Variants in PCDH19 observed in about 807,000 individuals in gnomAD.
The protein encoded by PCDH19 is protocadherin 19, also known as protocadherin-19.
PCDH19 carries 6 observed loss-of-function variants against 46.2 expected under a neutral mutation model. The observed-to-expected ratio is 0.13, with a 90% CI of 0.07 to 0.26. The LOEUF (loss-of-function observed/expected upper bound fraction) is 0.26. Among genes scored for constraint, PCDH19 ranks in the 10% least tolerant of loss-of-function variants. PCDH19 has a pLI of 1.00. For missense variants in PCDH19, 740 were observed against 972.3 expected, an observed-to-expected ratio of 0.76 and a Z score of 3.18; for synonymous variants, 481 against 415.7, an observed-to-expected ratio of 1.16 and a Z score of -1.91.
chrX:100,313,291 G>C (rs1013121694), intron 5 of PCDH19, among the ~76,000 whole-genome samples: 13 of 111,238 alleles, frequency 1.2e-4, no homozygotes, highest in African/African-American at 4.3e-4. Flanking sequence ...GGAATGCCAT[G>C]CTGTGGTGGG....
intron 5 of PCDH19, among the ~76,000 whole-genome samples, chrX:100,319,778 A>G (rs1425928919): frequency 8.9e-6 from 1 of 112,182 alleles, no homozygotes; most frequent in Non-Finnish European, 1.9e-5. Context: ...CAAAGGAAAG[A>G]GCTAATCATT....
Position 100,296,712 on chromosome X carries a change from A to G in PCDH19, c.3012T>C (p.Ala1004=), listed in dbSNP as rs181719144. The change falls in exon 6 of 6, where the codon GCT becomes GCC. Residue 1004 remains alanine, a synonymous_variant. Coordinates refer to ENST00000373034, the MANE Select transcript of PCDH19 (RefSeq NM_001184880.2). The stretch of plus-strand genomic sequence containing the variant: ...GTTTGGTGGGGCCGCAGTCGTCATA[A>G]GCCTCGACATCAGCAGCAGTAGCTT... The part of the protein sequence containing the change: ...SIEATAADVE[A]YDDCGPTKRT... 21 of 1,209,408 alleles carry G rather than the reference A, an allele frequency of 1.7e-5. No homozygotes were observed. The African/African-American group carries it at 3.0e-4, about 17-fold the overall frequency.
intron 5 of PCDH19, among the ~76,000 whole-genome samples, chrX:100,322,863 A>ATG (rs1358059816): frequency 2.5e-5 from 1 of 40,114 alleles, no homozygotes; most frequent in Non-Finnish European, 5.5e-5. Context: ...ATATATATAT[A>ATG]TATTTTTGCA....
chrX:100,389,518 T>A (rs1280297518), intron 3 of PCDH19, among the ~76,000 whole-genome samples: 1 of 110,689 alleles, frequency 9.0e-6, no homozygotes, highest in Non-Finnish European at 1.9e-5. Context: ...TGAAATTTTC[T>A]AGGAGAGTAG....
intron 5 of PCDH19, among the ~76,000 whole-genome samples, chrX:100,309,580 C>T (rs1446460388): frequency 9.0e-6 from 1 of 111,552 alleles, no homozygotes; most frequent in African/African-American, 3.3e-5. Flanking sequence ...CATTATCGAA[C>T]TGAGATTATC....
intron 3 of PCDH19, among the ~76,000 whole-genome samples, chrX:100,368,896 TTCC>T (rs1927143162): frequency 9.0e-6 from 1 of 111,468 alleles, no homozygotes; most frequent in Non-Finnish European, 1.9e-5. Context: ...CCCCCAAAGT[TTCC>T]TCTGCTGTGC....
chrX:100,407,339 T>G lies in PCDH19; in HGVS notation c.1259A>C (p.Asn420Thr), dbSNP rs754532638. The change falls in exon 1 of 6, where the codon AAC becomes ACC. Residue 420 changes from asparagine to threonine, a missense_variant. Around this residue, in one of 5 missense-constraint regions of PCDH19, gnomAD observed 186 missense variants for 319.9 expected, o/e 0.58. Coordinates refer to ENST00000373034, the MANE Select transcript of PCDH19 (RefSeq NM_001184880.2). ...GCCGTCGCGTGCCTGAATTGTGAGG[T>G]TGTATTGGTCGTGCTGCTCGCGGTC... is the stretch of plus-strand genomic sequence containing the variant. ...RLDREQHDQY[N>T]LTIQARDGGV... 8.3e-7 allele frequency: 1 copy of G among 1,211,993 alleles called. No individual in the cohort carries two copies.
At chrX:100,325,736 T>C (rs1388876164) in intron 5 of PCDH19, among the ~76,000 whole-genome samples, 1 of 112,634 alleles carries the variant, frequency 8.9e-6, no homozygotes, top group African/African-American at 3.2e-5. Context: ...GCAAAAAGTA[T>C]GCACTTCCAG....
At chrX:100,337,932 T>C (rs940630146) in intron 5 of PCDH19, among the ~76,000 whole-genome samples, 7 of 112,106 alleles carry the variant, frequency 6.2e-5, no homozygotes, top group Non-Finnish European at 1.1e-4. Flanking sequence ...AAAATTATGA[T>C]GTGTCAATTA....
Position 100,403,681 on chromosome X carries a change from A to G in PCDH19, c.2148-17T>C. 1 of 1,184,874 alleles carries G rather than the reference A, an allele frequency of 8.4e-7. No homozygotes were observed. On this transcript the variant is annotated splice_polypyrimidine_tract_variant and intron_variant, in intron 1 of 5. Coordinates refer to ENST00000373034, the MANE Select transcript of PCDH19 (RefSeq NM_001184880.2). ...AAACAATTACTGCAAAGGAATTTAA[A>G]GGTTAGTGCATTCAGCATCCTTCTC...
intron 3 of PCDH19, among the ~76,000 whole-genome samples, chrX:100,394,882 A>AG (rs1927974007): frequency 2.4e-5 from 2 of 82,741 alleles, no homozygotes; most frequent in African/African-American, 9.4e-5. Context: ...TGAGGAATCT[A>AG]ATTTTTTTTT....
chrX:100,310,379 G>T (rs1330686447), intron 5 of PCDH19, among the ~76,000 whole-genome samples: 4 of 110,733 alleles, frequency 3.6e-5, no homozygotes, highest in Admixed American at 9.7e-5. Context: ...CAAGCAAAAG[G>T]CTGCCTGGAA....
chrX:100,379,939 G>A lies in PCDH19; in HGVS notation c.2616+22585C>T, dbSNP rs755561571. Among the ~76,000 whole-genome samples, 6 of 111,961 alleles carry A rather than the reference G, an allele frequency of 5.4e-5. No individual in the cohort carries two copies. In the East Asian group the frequency reaches 1.7e-3, roughly 32 times the overall value. On this transcript the variant is annotated intron_variant, in intron 3 of 5. Coordinates refer to ENST00000373034, the MANE Select transcript of PCDH19 (RefSeq NM_001184880.2). ...GGCATGGACTCAAAAGGGCCATCGA[G>A]CAGTAACTGGAGGAATGGATTTGAG...
In PCDH19 at chrX:100,407,180, A is replaced by T. The variant is rs764454230; in HGVS notation, c.1418T>A (p.Leu473His). Residue 473 changes from leucine to histidine, a missense_variant, in exon 1 of 6, where the codon CTC (leucine) becomes CAC (histidine). Transcript: ENST00000373034. ...QENNTPGAYL[L>H]SVSARDPDLG... ...GTCGGGGTCGCGAGCAGACACAGAG[A>T]GCAGATAGGCGCCAGGCGTGTTGTT... The T allele has an allele frequency of 8.3e-7, 1 of 1,211,590 alleles. No homozygotes were observed. The highest frequency in any genetic ancestry group is 1.1e-6 in the Non-Finnish European group (1 of 895,453).
intron 5 of PCDH19, among the ~76,000 whole-genome samples, chrX:100,315,617 C>T (rs1400457357): frequency 8.9e-6 from 1 of 112,464 alleles, no homozygotes; most frequent in Admixed American, 9.4e-5. Context: ...ACCAAATATG[C>T]TTAGAAGTCC....
chrX:100,305,508 C>T (rs1438443731), intron 5 of PCDH19, among the ~76,000 whole-genome samples: 1 of 110,983 alleles, frequency 9.0e-6, no homozygotes, highest in African/African-American at 3.3e-5. Flanking sequence ...AACAGTAACA[C>T]AATGAAAAAA....
intron 4 of PCDH19, 86 bp from the exon 5 acceptor site, chrX:100,342,161 A>C: frequency 3.5e-6 from 3 of 847,241 alleles, no homozygotes; most frequent in Non-Finnish European, 5.3e-6. Context: ...TCGGCTCTGT[A>C]ATGAGGCAAA....
At chrX:100,389,909 A>G (rs761852264) in intron 3 of PCDH19, among the ~76,000 whole-genome samples, 11 of 111,178 alleles carry the variant, frequency 9.9e-5, no homozygotes, top group Non-Finnish European at 1.9e-4. Context: ...AATCAATTGG[A>G]TATTTATTTA....
intron 4 of PCDH19, among the ~76,000 whole-genome samples, chrX:100,344,699 G>C (rs1926345590): frequency 2.0e-5 from 2 of 98,507 alleles, no homozygotes; most frequent in Non-Finnish European, 4.1e-5. Context: ...GATGGTGAGG[G>C]ATCTAGTATG....
Sources: allele counts gnomAD v4.1 joint callset (sites outside exome capture counted in the v4.1 genomes callset), GRCh38; gene constraint gnomAD v4.1.1; regional missense constraint gnomAD v4.1.1; transcripts MANE v1.5; gene names NCBI Gene and HGNC (gene_info 2026-07-23, HGNC 2026-07-21).